The following PPM1E variants were observed in gnomAD, a reference collection of about 807,000 sequenced individuals.
PPM1E encodes the protein protein phosphatase 1E.
PPM1E carries 20 observed loss-of-function variants against 65.9 expected under a neutral mutation model. The observed-to-expected ratio is 0.30, with a 90% CI of 0.21 to 0.44. PPM1E has a LOEUF of 0.44. Ranked by LOEUF, PPM1E falls within the 20% of genes least tolerant of loss-of-function variation. The pLI is 1.00. For missense variants in PPM1E, 713 were observed against 953.1 expected, an observed-to-expected ratio of 0.75 and a Z score of 3.32; for synonymous variants, 352 against 374.9, an observed-to-expected ratio of 0.94 and a Z score of 0.70.
rs71145509 is a variant in PPM1E at position 58,959,309 on chromosome 17, C to CAA, written c.583+3561_583+3562dup. Among the ~76,000 whole-genome samples the CAA allele has an allele frequency of 9.6e-4, 55 of 57,084 alleles. 1 individual carries two copies. Among genetic ancestry groups the CAA allele is most frequent in the African/African-American group, 2.0e-3 (28 of 14,206 alleles). The allele number at this position is 57,084 out of a possible 152,430, so 37.4% of individuals were successfully genotyped here. On this transcript the variant is annotated intron_variant, in intron 2 of 6. Transcript: ENST00000308249. ...GGGCAACAAGAGTGAGACTCCGTCT[C>CAA]AAAAAAAAAAAAAAAAAAAACGACT...
intron 1 of PPM1E, among the ~76,000 whole-genome samples, chr17:58,892,879 G>A (rs2051365582): frequency 1.3e-5 from 2 of 152,136 alleles, no homozygotes; most frequent in South Asian, 2.1e-4. Context: ...ACATCGATAT[G>A]TGTTAGCAAA....
intron 1 of PPM1E, among the ~76,000 whole-genome samples, chr17:58,807,293 A>G (rs1246709335): frequency 6.6e-6 from 1 of 152,202 alleles, no homozygotes; most frequent in Non-Finnish European, 1.5e-5. Flanking sequence ...CTGGAATATC[A>G]GAACTATATC....
chr17:58,909,819 G>A (rs2051602230), intron 1 of PPM1E, among the ~76,000 whole-genome samples: 1 of 150,630 alleles, frequency 6.6e-6, no homozygotes, highest in African/African-American at 2.4e-5. Context: ...ATTCTTCTTG[G>A]TGTTCTCTGA....
chr17:58,796,633 T>A (rs2050209139), intron 1 of PPM1E, among the ~76,000 whole-genome samples: 1 of 152,208 alleles, frequency 6.6e-6, no homozygotes, highest in South Asian at 2.1e-4. Flanking sequence ...ACTTTTGTTT[T>A]TATTCTCCAG....
At chr17:58,922,732 T>C (rs1403547757) in intron 1 of PPM1E, among the ~76,000 whole-genome samples, 1 of 150,286 alleles carries the variant, frequency 6.7e-6, no homozygotes, top group Non-Finnish European at 1.5e-5. Flanking sequence ...TTGCCCAGGC[T>C]GGAGTGCAGT....
chr17:58,959,301 C>T (rs2029953039), intron 2 of PPM1E, among the ~76,000 whole-genome samples: 1 of 109,972 alleles, frequency 9.1e-6, no homozygotes. Flanking sequence ...AAGAGTGAGA[C>T]TCCGTCTCAA....
intron 1 of PPM1E, among the ~76,000 whole-genome samples, chr17:58,790,013 A>G (rs1301146689): frequency 1.3e-5 from 2 of 152,108 alleles, no homozygotes; most frequent in Admixed American, 6.6e-5. Context: ...TATTGAATAA[A>G]TAAGTTAGTT....
intron 1 of PPM1E, among the ~76,000 whole-genome samples, chr17:58,812,868 C>A (rs141912393): frequency 6.6e-6 from 1 of 152,128 alleles, no homozygotes; most frequent in African/African-American, 2.4e-5. Flanking sequence ...TGCCCAGCCA[C>A]ACACTTTTTT....
At chr17:58,799,436 C>T (rs12941984) in intron 1 of PPM1E, among the ~76,000 whole-genome samples, 6,305 of 151,006 alleles carry the variant, frequency 0.042, 190 homozygotes, top group Non-Finnish European at 0.062. Context: ...CGTGTGCCAC[C>T]ACACTCAGTT....
At chr17:58,852,602 T>C (rs1057087436) in intron 1 of PPM1E, among the ~76,000 whole-genome samples, 2 of 143,046 alleles carry the variant, frequency 1.4e-5, no homozygotes, top group Admixed American at 1.4e-4. Flanking sequence ...TCTTTTTTTG[T>C]TTTTTTTTGT....
At chr17:58,838,548 C>T (rs528228288) in intron 1 of PPM1E, among the ~76,000 whole-genome samples, 9 of 152,208 alleles carry the variant, frequency 5.9e-5, no homozygotes, top group African/African-American at 9.7e-5. Context: ...AAAAGAAACT[C>T]TCATCTTTGC....
At position 58,760,366 on chromosome 17, in the gene PPM1E, C is replaced by CA. The variant is rs1338209788; in HGVS notation, c.464+3909dup. On this transcript the variant is annotated intron_variant, in intron 1 of 6. Transcript: ENST00000308249. ...GTCCTCCAACCCTCTTTACGGCCCC[C>CA]AAAACAAACAAAACCAAAACCTGAT... Among the ~76,000 whole-genome samples the CA allele has an allele frequency of 3.9e-5, 6 of 152,282 alleles. No individual in the cohort carries two copies. The East Asian group carries it at 1.2e-3, about 29-fold the overall frequency.
chr17:58,756,129 G>GAA lies in PPM1E; in HGVS notation c.132_133insAA (p.Ser45AsnfsTer11), dbSNP rs755238195. 20 of 755,684 alleles carry GAA rather than the reference G, an allele frequency of 2.6e-5. No individual in the cohort carries two copies. The African/African-American group carries it at 5.0e-4, about 19-fold the overall frequency. The allele number at this position is 755,684 out of a possible 1,614,324, so 46.8% of individuals were successfully genotyped here. On this transcript the variant is annotated frameshift_variant, in exon 1 of 7. Coordinates refer to ENST00000308249, the MANE Select transcript of PPM1E (RefSeq NM_014906.5). LOFTEE classifies it high-confidence loss of function. ...AACCCGAACCCGAACCCGAACCCGA[G>GAA]TCCGAGCCCGAGCCCGAACCTGAAC...
chr17:58,949,567 A>G (rs2052208078), intron 1 of PPM1E, among the ~76,000 whole-genome samples: 1 of 151,974 alleles, frequency 6.6e-6, no homozygotes, highest in Non-Finnish European at 1.5e-5. Flanking sequence ...ACATTTATTG[A>G]CTGTTTTCTG....
At chr17:58,760,612 T>A (rs1307511940) in intron 1 of PPM1E, among the ~76,000 whole-genome samples, 1 of 152,224 alleles carries the variant, frequency 6.6e-6, no homozygotes, top group Non-Finnish European at 1.5e-5. Flanking sequence ...TTAAACATTT[T>A]TACCCTTTAC....
intron 1 of PPM1E, among the ~76,000 whole-genome samples, chr17:58,893,942 C>T (rs2051379606): frequency 6.6e-6 from 1 of 151,912 alleles, no homozygotes; most frequent in South Asian, 2.1e-4. Context: ...GATGTGGTGG[C>T]AAACACCTGT....
chr17:58,944,563 AATT>A (rs1280248724), intron 1 of PPM1E, among the ~76,000 whole-genome samples: 3 of 149,482 alleles, frequency 2.0e-5, no homozygotes, highest in Admixed American at 6.6e-5. Context: ...CTTTTCATAT[AATT>A]ATTATTATAG....
rs2031566483 is a variant in PPM1E, at chr17:58,984,031, G to A, written c.*3000G>A. On this transcript the variant is annotated 3_prime_UTR_variant, in exon 7 of 7. Coordinates refer to ENST00000308249, the MANE Select transcript of PPM1E (RefSeq NM_014906.5). ...CAACATTACAGCAACACACACTGGG[G>A]CTATTAATCCCATTTAGGTCTGTAC... is the stretch of plus-strand genomic sequence containing the variant. The A allele has an allele frequency of 6.6e-6, 1 of 152,554 alleles. No individual in the cohort carries two copies. The highest frequency in any genetic ancestry group is 1.5e-5 in the Non-Finnish European group (1 of 68,012). 9.5% of individuals were successfully genotyped at this position (152,554 alleles called of 1,614,324 possible). A position where few individuals can be genotyped will look rare whatever the true frequency, so the allele number is the denominator to read the frequency against.
At chr17:58,820,122 CA>C in intron 1 of PPM1E, among the ~76,000 whole-genome samples, 1 of 152,068 alleles carries the variant, frequency 6.6e-6, no homozygotes. Flanking sequence ...AGGAGAGAAC[CA>C]GGGGGATGGT....
Sources: allele counts gnomAD v4.1 joint callset (sites outside exome capture counted in the v4.1 genomes callset), GRCh38; gene constraint gnomAD v4.1.1; transcripts MANE v1.5; gene names NCBI Gene and HGNC (gene_info 2026-07-23, HGNC 2026-07-21).